Variants in PARVA observed in about 807,000 individuals in gnomAD.
PARVA encodes the protein parvin alpha.
Under a neutral mutation model 52.6 loss-of-function variants are expected in PARVA, and 25 were observed. That is an observed-to-expected ratio of 0.48 (90% CI 0.35 to 0.66). The LOEUF is 0.66. Among genes scored for constraint, PARVA ranks in the 30% least tolerant of loss-of-function variants. The pLI is 0.01. For synonymous variants in PARVA, 185 were observed against 179.1 expected (o/e 1.03, Z -0.26); for missense variants, 373 against 450.9 (o/e 0.83, Z 1.56).
intron 5 of PARVA, 69 bp from the exon 6 acceptor site, chr11:12,504,245 G>T: frequency 1.2e-6 from 1 of 853,662 alleles, no homozygotes; most frequent in South Asian, 1.5e-5. Context: ...ACTACACTTT[G>T]AACATCTGCT....
intron 1 of PARVA, among the ~76,000 whole-genome samples, chr11:12,390,146 C>T (rs913706490): frequency 1.3e-5 from 2 of 152,196 alleles, no homozygotes; most frequent in Non-Finnish European, 2.9e-5. Context: ...ACTCTGTGCT[C>T]GTTTCTTTCC....
At chr11:12,457,160 G>A (rs746158681) in intron 1 of PARVA, among the ~76,000 whole-genome samples, 36 of 152,196 alleles carry the variant, frequency 2.4e-4, no homozygotes, top group Non-Finnish European at 3.5e-4. Context: ...ATGGAAGGTT[G>A]TACAAAAGGA....
chr11:12,460,427 A>G (rs1239845534), intron 1 of PARVA, among the ~76,000 whole-genome samples: 1 of 152,210 alleles, frequency 6.6e-6, no homozygotes, highest in East Asian at 1.9e-4. Context: ...GAGTTAATAC[A>G]TGTAAAAAAC....
intron 4 of PARVA, among the ~76,000 whole-genome samples, chr11:12,484,161 G>A (rs141798605): frequency 1.1e-4 from 16 of 152,332 alleles, no homozygotes; most frequent in African/African-American, 3.8e-4. Context: ...GCATGACTGA[G>A]TGAGAGATGG....
At chr11:12,443,103 C>T (rs1359051533) in intron 1 of PARVA, among the ~76,000 whole-genome samples, 35 of 150,890 alleles carry the variant, frequency 2.3e-4, no homozygotes, top group African/African-American at 3.4e-4. Flanking sequence ...TCTTGTGATC[C>T]GCCCGCCTGG....
At chr11:12,380,178 C>CAACTATTCTGCCAGCCACGTCGCACTG (rs774502818) in intron 1 of PARVA, among the ~76,000 whole-genome samples, 2 of 151,524 alleles carry the variant, frequency 1.3e-5, no homozygotes, top group Non-Finnish European at 2.9e-5. Context: ...GACAGGGTCC[C>CAACTATTCTGCCAGCCACGTCGCACTG]TGCAGGAAAA....
chr11:12,522,418 A>AGTC (rs1941647934), intron 12 of PARVA, among the ~76,000 whole-genome samples: 1 of 76,236 alleles, frequency 1.3e-5, no homozygotes, highest in African/African-American at 4.6e-5. Flanking sequence ...CAAGAGCTTT[A>AGTC]TTCTTTTTTT....
chr11:12,520,021 G>A (rs1244773209), intron 12 of PARVA, among the ~76,000 whole-genome samples: 1 of 152,202 alleles, frequency 6.6e-6, no homozygotes, highest in African/African-American at 2.4e-5. Context: ...CACTTAATAT[G>A]AAACTTCCTG....
chr11:12,486,648 C>T (rs1408994542), intron 4 of PARVA, among the ~76,000 whole-genome samples: 5 of 152,202 alleles, frequency 3.3e-5, no homozygotes, highest in African/African-American at 1.2e-4. Context: ...GAATTCAAGA[C>T]CAGCCTGACC....
At position 12,478,268 on chromosome 11, in the gene PARVA, C is replaced by G. The variant is rs116689711; in HGVS notation, c.400+319C>G. ...GCCTCCGCCTCTCCAGAAAAGCATG[C>G]CTGTGTGGCCTCTGTCGGTATATTT... is the stretch of plus-strand genomic sequence containing the variant. On this transcript the variant is annotated intron_variant, in intron 4 of 12. Transcript: ENST00000334956. 8.2e-4 allele frequency: 328 copies of G among 402,304 alleles called. 1 individual carries two copies. Among genetic ancestry groups the G allele is most frequent in the African/African-American group, 6.3e-3 (308 of 48,746 alleles). 24.9% of individuals were successfully genotyped at this position (402,304 alleles called of 1,614,324 possible).
Position 12,514,026 on chromosome 11 carries a change from G to T in PARVA, c.828G>T (p.Leu276=). The change falls in exon 10 of 13, where the codon CTG becomes CTT. Residue 276 remains leucine (L), a synonymous_variant. Coordinates refer to ENST00000334956, the MANE Select transcript of PARVA (RefSeq NM_018222.5). The stretch of plus-strand genomic sequence containing the variant: ...TCATCACTTTCGTGAACAAGCACCT[G>T]AATAAACTGAACCTGGAGGTCACAG... ...KTLITFVNKH[L]NKLNLEVTEL... 6.2e-7 allele frequency: 1 copy of T among 1,614,084 alleles called. No homozygotes were observed. The highest frequency in any genetic ancestry group is 8.5e-7 in the Non-Finnish European group (1 of 1,179,948).
chr11:12,402,717 C>G (rs972602042), intron 1 of PARVA, among the ~76,000 whole-genome samples: 2 of 152,136 alleles, frequency 1.3e-5, no homozygotes, highest in African/African-American at 4.8e-5. Context: ...AGCTGTTTTC[C>G]TTCTTCACAA....
chr11:12,389,827 C>G (rs1431400193), intron 1 of PARVA, among the ~76,000 whole-genome samples: 2 of 152,210 alleles, frequency 1.3e-5, no homozygotes, highest in African/African-American at 4.8e-5. Context: ...CATTATCACA[C>G]CTGACACCTC....
intron 1 of PARVA, among the ~76,000 whole-genome samples, chr11:12,443,964 G>A (rs529952078): frequency 2.6e-5 from 4 of 152,284 alleles, no homozygotes; most frequent in African/African-American, 9.6e-5. Flanking sequence ...TTTGCCTCAT[G>A]TCATTTTCAG....
At chr11:12,494,636 C>A (rs1053698799) in intron 4 of PARVA, among the ~76,000 whole-genome samples, 6 of 151,692 alleles carry the variant, frequency 4.0e-5, no homozygotes, top group African/African-American at 1.5e-4. Context: ...ATGTATATTT[C>A]TTCTTATGTC....
rs1939494920 is a variant in PARVA at position 12,381,923 on chromosome 11, A to C, written c.136+4140A>C. On this transcript the variant is annotated intron_variant, in intron 1 of 12. Coordinates refer to ENST00000334956, the MANE Select transcript of PARVA (RefSeq NM_018222.5). ...GAGTACTTCCAGCATCTCTAGTGGC[A>C]CTTTGTTAGAGTCCCATGGTGTTAG... 2.6e-5 allele frequency among the ~76,000 whole-genome samples: 4 copies of C among 152,144 alleles called. No homozygotes were observed. The South Asian group carries it at 8.3e-4, about 31-fold the overall frequency.
Position 12,504,384 on chromosome 11 carries a change from A to T in PARVA, c.612A>T (p.Pro204=). The part of the protein sequence containing the change: ...LVALSQYFRA[P]IRLPDHVSIQ... The stretch of plus-strand genomic sequence containing the variant: ...CTCTGTCTCAGTATTTCCGCGCACC[A>T]ATTCGACTCCCAGACCATGTTTCCA... Residue 204 remains proline, a synonymous_variant, in exon 6 of 13, where the codon CCA becomes CCT. Transcript: ENST00000334956. 6.2e-7 allele frequency: 1 copy of T among 1,613,796 alleles called. No homozygotes were observed. The highest frequency in any genetic ancestry group is 2.2e-5 in the East Asian group (1 of 44,868).
chr11:12,458,296 G>A (rs762863393), intron 1 of PARVA, among the ~76,000 whole-genome samples: 10 of 152,208 alleles, frequency 6.6e-5, no homozygotes, highest in Non-Finnish European at 1.5e-4. Context: ...AGTTTTCTCA[G>A]GACAGTGTCA....
At chr11:12,488,857 A>C (rs1941195872) in intron 4 of PARVA, among the ~76,000 whole-genome samples, 1 of 152,198 alleles carries the variant, frequency 6.6e-6, no homozygotes, top group South Asian at 2.1e-4. Flanking sequence ...TCCTTCTTTT[A>C]AAGAGGAAGG....
Sources: gnomAD v4.1 joint callset for allele counts (sites outside exome capture counted in the v4.1 genomes callset) on GRCh38, gnomAD v4.1.1 for gene constraint, MANE v1.5 for transcripts, NCBI Gene and HGNC (gene_info 2026-07-23, HGNC 2026-07-21) for gene names.